The following MAML3 variants were observed in gnomAD, a reference collection of about 807,000 sequenced individuals.
MAML3 encodes the protein mastermind like transcriptional coactivator 3, also known as mastermind-like protein 3.
In MAML3, 27 loss-of-function variants were observed where a neutral mutation model predicts 101.9. The ratio of observed to expected loss-of-function variants is 0.27; its 90% CI spans 0.20 to 0.37. The LOEUF is 0.37. Among genes scored for constraint, MAML3 ranks in the 10% least tolerant of loss-of-function variants. MAML3 has a pLI of 1.00. For missense variants in MAML3, 1,316 were observed against 1,444.9 expected, an observed-to-expected ratio of 0.91 and a Z score of 1.45; for synonymous variants, 501 against 555.9, an observed-to-expected ratio of 0.90 and a Z score of 1.39.
intron 1 of MAML3, among the ~76,000 whole-genome samples, chr4:140,131,298 G>A (rs1728789395): frequency 6.6e-6 from 1 of 152,168 alleles, no homozygotes; most frequent in Admixed American, 6.5e-5. Context: ...ATCAAACCTT[G>A]AGTTGTGTGG....
At chr4:140,137,280 G>T (rs770033924) in intron 1 of MAML3, among the ~76,000 whole-genome samples, 1 of 152,214 alleles carries the variant, frequency 6.6e-6, no homozygotes, top group Non-Finnish European at 1.5e-5. Context: ...GAGCCACCGC[G>T]CCCGGCCTAA....
intron 2 of MAML3, among the ~76,000 whole-genome samples, chr4:139,751,067 C>T (rs1395798564): frequency 6.6e-6 from 1 of 152,224 alleles, no homozygotes; most frequent in Non-Finnish European, 1.5e-5. Flanking sequence ...CAGGGTCTAA[C>T]TCTGGATCTG....
chr4:139,961,220 A>T (rs540584125), intron 1 of MAML3, among the ~76,000 whole-genome samples: 2 of 152,230 alleles, frequency 1.3e-5, no homozygotes, highest in Non-Finnish European at 2.9e-5. Context: ...GCTACTAAAA[A>T]CATCACCTGC....
At chr4:139,951,383 G>C (rs978217803) in intron 1 of MAML3, among the ~76,000 whole-genome samples, 2 of 152,236 alleles carry the variant, frequency 1.3e-5, no homozygotes, top group African/African-American at 4.8e-5. Context: ...TGCGGAAATG[G>C]AAAGGTGATG....
At chr4:139,859,363 C>T (rs556622775) in intron 2 of MAML3, among the ~76,000 whole-genome samples, 1 of 139,416 alleles carries the variant, frequency 7.2e-6, no homozygotes, top group East Asian at 2.0e-4. Context: ...GGCCACTATG[C>T]CTGGCTAATT....
intron 2 of MAML3, among the ~76,000 whole-genome samples, chr4:139,879,479 T>C (rs1451572100): frequency 2.0e-5 from 3 of 148,618 alleles, no homozygotes; most frequent in African/African-American, 7.5e-5. Context: ...TGAGCCAAGA[T>C]TGTGCCACTG....
chr4:140,006,658 G>A (rs13145728), intron 1 of MAML3, among the ~76,000 whole-genome samples: 4 of 150,336 alleles, frequency 2.7e-5, no homozygotes, highest in Non-Finnish European at 5.9e-5. Flanking sequence ...CAGAAAAAAA[G>A]GTGGTTAGCA....
chr4:140,133,104 A>G (rs1431966801), intron 1 of MAML3: 2 of 448,548 alleles, frequency 4.5e-6, no homozygotes, highest in Non-Finnish European at 9.0e-6. Context: ...GTGCTGTTAC[A>G]TGCCATATAC....
intron 2 of MAML3, among the ~76,000 whole-genome samples, chr4:139,742,258 T>C (rs1438734467): frequency 6.6e-6 from 1 of 151,930 alleles, no homozygotes; most frequent in African/African-American, 2.4e-5. Context: ...AAGCAATTCT[T>C]CTGCCTCAGC....
At chr4:139,894,614 T>C (rs1732570785) in intron 1 of MAML3, among the ~76,000 whole-genome samples, 1 of 152,142 alleles carries the variant, frequency 6.6e-6, no homozygotes, top group Admixed American at 6.5e-5. Flanking sequence ...AGTCTAACCC[T>C]TGTTCCTAAA....
chr4:140,127,643 G>A (rs2111034375), intron 1 of MAML3, among the ~76,000 whole-genome samples: 1 of 152,268 alleles, frequency 6.6e-6, no homozygotes, highest in Non-Finnish European at 1.5e-5. Flanking sequence ...GGGCATCTTG[G>A]TGGTTTGCTA....
chr4:140,037,464 T>C (rs1002910259), intron 1 of MAML3, among the ~76,000 whole-genome samples: 3 of 152,356 alleles, frequency 2.0e-5, no homozygotes, highest in African/African-American at 7.2e-5. Context: ...CTGAATATTA[T>C]TTCCTTTAAA....
At position 140,038,291 on chromosome 4, in the gene MAML3, G is replaced by T. The variant is rs114734703; in HGVS notation, c.468+114569C>A. Among the ~76,000 whole-genome samples, 455 of 152,334 alleles carry T rather than the reference G, an allele frequency of 3.0e-3. 2 individuals are homozygous for T. Among genetic ancestry groups the T allele is most frequent in the African/African-American group, 0.01 (435 of 41,578 alleles). On this transcript the variant is annotated intron_variant, in intron 1 of 4. Coordinates refer to ENST00000509479, the MANE Select transcript of MAML3 (RefSeq NM_018717.5). ...ACCTGCATTTTACAGATACGGCAGG[G>T]AGTGAAATGAATTGTCCAAGGTCAC... is the stretch of plus-strand genomic sequence containing the variant.
At chr4:140,119,580 C>A (rs183627269) in intron 1 of MAML3, among the ~76,000 whole-genome samples, 4 of 151,424 alleles carry the variant, frequency 2.6e-5, no homozygotes, top group Admixed American at 6.6e-5. Flanking sequence ...CTTTGGGATA[C>A]ACAATTTTTT....
Position 140,067,725 on chromosome 4 carries a change from T to C in MAML3, c.468+85135A>G, listed in dbSNP as rs1383609468. On this transcript the variant is annotated intron_variant, in intron 1 of 4. Coordinates refer to ENST00000509479, the MANE Select transcript of MAML3 (RefSeq NM_018717.5). ...GGTAATACATAAATGTCAATCTTAATCTTTTTTTTTTTTTTTTTTTTGAGA... is the reference window on the plus strand; with the variant it reads ...GGTAATACATAAATGTCAATCTTAACCTTTTTTTTTTTTTTTTTTTTGAGA... Among the ~76,000 whole-genome samples, 5 of 148,902 alleles carry C rather than the reference T, an allele frequency of 3.4e-5. No individual in the cohort carries two copies. The South Asian group carries it at 1.1e-3, about 32-fold the overall frequency.
intron 1 of MAML3, among the ~76,000 whole-genome samples, chr4:139,983,833 T>C (rs1233091873): frequency 6.6e-6 from 1 of 152,084 alleles, no homozygotes; most frequent in Non-Finnish European, 1.5e-5. Flanking sequence ...TGATAATCCA[T>C]GGTCAAGAGT....
chr4:139,915,883 C>T (rs1216420494), intron 1 of MAML3, among the ~76,000 whole-genome samples: 1 of 152,154 alleles, frequency 6.6e-6, no homozygotes, highest in Non-Finnish European at 1.5e-5. Flanking sequence ...ACCCTGCTAA[C>T]ACAGACGAAC....
chr4:139,859,981 G>A (rs1045467390), intron 2 of MAML3, among the ~76,000 whole-genome samples: 1 of 152,230 alleles, frequency 6.6e-6, no homozygotes, highest in South Asian at 2.1e-4. Context: ...AAGGCGTCGC[G>A]GGAGGGGCTA....
chr4:139,815,352 G>A (rs1730876265), intron 2 of MAML3, among the ~76,000 whole-genome samples: 1 of 152,182 alleles, frequency 6.6e-6, no homozygotes, highest in South Asian at 2.1e-4. Context: ...TTCATTCAGA[G>A]CTTATTATGT....
Sources: gnomAD v4.1 joint callset for allele counts (sites outside exome capture counted in the v4.1 genomes callset) on GRCh38, gnomAD v4.1.1 for gene constraint, MANE v1.5 for transcripts, NCBI Gene and HGNC (gene_info 2026-07-23, HGNC 2026-07-21) for gene names.